Variants in RFX2 observed in about 807,000 individuals in gnomAD.
RFX2 encodes the protein regulatory factor X2.
Under a neutral mutation model 87.8 loss-of-function variants are expected in RFX2, and 20 were observed. The ratio of observed to expected loss-of-function variants is 0.23; its 90% CI spans 0.16 to 0.33. RFX2 has a LOEUF of 0.33. RFX2 is among the 10% of genes least tolerant of loss of function. RFX2 has a pLI of 1.00. For missense variants in RFX2, 767 were observed against 1,012.3 expected, an observed-to-expected ratio of 0.76 and a Z score of 3.29; for synonymous variants, 397 against 431.3, an observed-to-expected ratio of 0.92 and a Z score of 0.98.
intron 5 of RFX2, among the ~76,000 whole-genome samples, chr19:6,034,227 A>ATTT (rs1167004611): frequency 3.4e-5 from 4 of 117,622 alleles, no homozygotes; most frequent in African/African-American, 6.6e-5. Context: ...CACACTGCTA[A>ATTT]TTTTTTTTTT....
rs1056024828 is a variant in RFX2 at position 6,005,462 on chromosome 19, G to A, written c.1403-1164C>T. Among the ~76,000 whole-genome samples the A allele has an allele frequency of 1.1e-4, 17 of 152,308 alleles. No homozygotes were observed. In the East Asian group the frequency reaches 2.3e-3, roughly 21 times the overall value. On this transcript the variant is annotated intron_variant, in intron 12 of 17. Transcript: ENST00000303657. ...GGCCTCTGTGCCCAGCTTCCTTGAC[G>A]ACCCCCAGGGTTTTGGGGAGCTTGG...
intron 4 of RFX2, among the ~76,000 whole-genome samples, chr19:6,041,137 T>C (rs10417019): frequency 0.02 from 3,016 of 152,252 alleles, 98 homozygotes; most frequent in African/African-American, 0.068. Flanking sequence ...GGCAAAATCA[T>C]AGCTCACTGC....
At chr19:6,109,945 A>G (rs2088279487) in intron 1 of RFX2, among the ~76,000 whole-genome samples, 1 of 148,208 alleles carries the variant, frequency 6.7e-6, no homozygotes, top group South Asian at 2.2e-4. Context: ...ATTCGAGGGT[A>G]TGAGTAAAAG....
chr19:6,009,442 C>G (rs2086632690), intron 9 of RFX2, among the ~76,000 whole-genome samples: 1 of 152,128 alleles, frequency 6.6e-6, no homozygotes, highest in Admixed American at 6.6e-5. Flanking sequence ...CCTTGAGCAG[C>G]CCCCAGGGAA....
intron 1 of RFX2, among the ~76,000 whole-genome samples, chr19:6,052,620 T>C (rs991660803): frequency 2.0e-5 from 3 of 152,206 alleles, no homozygotes; most frequent in Admixed American, 1.3e-4. Flanking sequence ...GAATATTCAC[T>C]GTGATGGGTC....
intron 5 of RFX2, among the ~76,000 whole-genome samples, chr19:6,029,244 T>C (rs543820317): frequency 6.6e-6 from 1 of 150,584 alleles, no homozygotes; most frequent in Non-Finnish European, 1.5e-5. Context: ...TCCACAAAAA[T>C]TATGAGGCAC....
In RFX2 at chr19:6,007,209, G is replaced by A; in HGVS notation, c.1248-43C>T. 1 of 1,594,478 alleles carries A rather than the reference G, an allele frequency of 6.3e-7. No homozygotes were observed. The highest frequency in any genetic ancestry group is 8.6e-7 in the Non-Finnish European group (1 of 1,167,220). On this transcript the variant is annotated intron_variant, in intron 11 of 17. Transcript: ENST00000303657. This position sits in a 1 kb window ranked among gnomAD's most constrained non-coding sequence, Gnocchi z 8.2. ...ACAGGTGAGCTGTGGCCTGGCCCAG[G>A]TGGGCTCACTCAGCCACGGGAGCGA...
rs2087213944 is a variant in RFX2, at chr19:6,047,692, G to A, written c.-8-188C>T. ...CAGGCTGCACAACTGTCCCACAGAA[G>A]GAGAGAGGGGCCAGAGAAAGTTTTC... On this transcript the variant is annotated intron_variant, in intron 1 of 17. Transcript: ENST00000303657. The surrounding 1 kb of genome is among the most constrained non-coding windows in gnomAD (Gnocchi z 4.2). Among the ~76,000 whole-genome samples the A allele has an allele frequency of 1.3e-5, 2 of 152,366 alleles. No homozygotes were observed. Among genetic ancestry groups the A allele is most frequent in the South Asian group, 4.1e-4 (2 of 4,832 alleles).
rs1016406235 is a variant in RFX2 at position 6,022,431 on chromosome 19, G to C, written c.597+3732C>G. Among the ~76,000 whole-genome samples the C allele has an allele frequency of 3.9e-5, 6 of 152,228 alleles. No homozygotes were observed. The highest frequency in any genetic ancestry group is 8.8e-5 in the Non-Finnish European group (6 of 68,038). On this transcript the variant is annotated intron_variant, in intron 6 of 17. Transcript: ENST00000303657. The surrounding 1 kb of genome is among the most constrained non-coding windows in gnomAD (Gnocchi z 6.2). ...TCCACACGCAGCTCTCTCCCGCAGGGTGTGCAAGTGATGTGTTTACTTTAG... is the reference window on the plus strand; with the variant it reads ...TCCACACGCAGCTCTCTCCCGCAGGCTGTGCAAGTGATGTGTTTACTTTAG...
At chr19:6,043,671 A>C (rs2144771110) in intron 3 of RFX2, among the ~76,000 whole-genome samples, 1 of 152,384 alleles carries the variant, frequency 6.6e-6, no homozygotes, top group South Asian at 2.1e-4. Context: ...ACAAACCCCC[A>C]AAAATGTATA....
intron 15 of RFX2, among the ~76,000 whole-genome samples, chr19:6,000,069 C>G (rs938800796): frequency 2.6e-5 from 4 of 151,934 alleles, no homozygotes; most frequent in Admixed American, 6.5e-5. Flanking sequence ...ATTGCAACCT[C>G]TGCCTCCCGG....
chr19:6,077,308 A>C (rs575117868), intron 1 of RFX2, among the ~76,000 whole-genome samples: 182 of 152,300 alleles, frequency 1.2e-3, no homozygotes, highest in African/African-American at 4.3e-3. Flanking sequence ...GCTGGGTCAA[A>C]GACAGGCAAG....
intron 5 of RFX2, among the ~76,000 whole-genome samples, chr19:6,033,549 A>C (rs1418419842): frequency 6.7e-6 from 1 of 150,222 alleles, no homozygotes; most frequent in Admixed American, 6.7e-5. Flanking sequence ...TCTGAGACTA[A>C]ATCTTCAAAC....
chr19:6,023,384 G>T lies in RFX2; in HGVS notation c.597+2779C>A, dbSNP rs2086845622. On this transcript the variant is annotated intron_variant, in intron 6 of 17. Transcript: ENST00000303657. This position sits in a 1 kb window ranked among gnomAD's most constrained non-coding sequence, Gnocchi z 4.9. ...CTCAGTCTCAGCCACAGGCAGCCCTGGGGACAATCGTTGCAAGGGCACGTC... is the reference window on the plus strand; with the variant it reads ...CTCAGTCTCAGCCACAGGCAGCCCTTGGGACAATCGTTGCAAGGGCACGTC... 6.6e-6 allele frequency among the ~76,000 whole-genome samples: 1 copy of T among 152,236 alleles called. No homozygotes were observed. The highest frequency in any genetic ancestry group is 6.5e-5 in the Admixed American group (1 of 15,286).
At chr19:6,018,033 T>G (rs1183722398) in intron 6 of RFX2, among the ~76,000 whole-genome samples, 7 of 151,846 alleles carry the variant, frequency 4.6e-5, no homozygotes, top group Non-Finnish European at 1.0e-4. Context: ...GGAGGTGCAG[T>G]GGCGCAATCT....
rs2086859124 is a variant in RFX2 at position 6,024,445 on chromosome 19, G to A, written c.597+1718C>T. 6.6e-6 allele frequency among the ~76,000 whole-genome samples: 1 copy of A among 152,166 alleles called. No homozygotes were observed. The highest frequency in any genetic ancestry group is 1.5e-5 in the Non-Finnish European group (1 of 68,024). On this transcript the variant is annotated intron_variant, in intron 6 of 17. Transcript: ENST00000303657. The surrounding 1 kb of genome is among the most constrained non-coding windows in gnomAD (Gnocchi z 5.0). ...GGGCGGGGCACTGAGCAGGGGTCTG[G>A]CATGGTGTTTGTTTTGTTTTGTCTT...
At chr19:6,075,624 G>T (rs1183304250) in intron 1 of RFX2, among the ~76,000 whole-genome samples, 3 of 152,198 alleles carry the variant, frequency 2.0e-5, no homozygotes, top group African/African-American at 7.2e-5. Context: ...CTAGAGAATG[G>T]AGCTGCCCGG....
rs564044947 is a variant in RFX2, at chr19:6,082,506, C to T, written c.-9+27887G>A. 3.3e-5 allele frequency among the ~76,000 whole-genome samples: 5 copies of T among 152,260 alleles called. No individual in the cohort carries two copies. In the East Asian group the frequency reaches 9.7e-4, roughly 29 times the overall value. ...GGAGTGCAGTGGCGCGATCACAGCT[C>T]ACTTCATCCTCTAACTCCTGGGCTC... On this transcript the variant is annotated intron_variant, in intron 1 of 17. Transcript: ENST00000303657.
chr19:6,004,375 G>C lies in RFX2; in HGVS notation c.1403-77C>G, dbSNP rs2086547373. 2.5e-6 allele frequency: 3 copies of C among 1,218,360 alleles called. No homozygotes were observed. The highest frequency in any genetic ancestry group is 3.7e-6 in the Non-Finnish European group (3 of 821,276). 75.5% of individuals were successfully genotyped at this position (1,218,360 alleles called of 1,614,324 possible). On this transcript the variant is annotated intron_variant, in intron 12 of 17. Transcript: ENST00000303657. The surrounding 1 kb of genome is among the most constrained non-coding windows in gnomAD (Gnocchi z 4.8). ...CTGGAAATCAGCATTCAGTGTAAGA[G>C]CTGGCCCAAGTGCGATGAAAATGAC...
Sources: allele counts gnomAD v4.1 joint callset (sites outside exome capture counted in the v4.1 genomes callset), GRCh38; gene constraint gnomAD v4.1.1; non-coding constraint Gnocchi (gnomAD v3.1); transcripts MANE v1.5; gene names NCBI Gene and HGNC (gene_info 2026-07-23, HGNC 2026-07-21).